The following LRFN2 variants were observed in gnomAD, a reference collection of about 807,000 sequenced individuals.
LRFN2 encodes the protein leucine-rich repeat and fibronectin type-III domain-containing protein 2.
Under a neutral mutation model 37.3 loss-of-function variants are expected in LRFN2, and 18 were observed. That is an observed-to-expected ratio of 0.48 (90% CI 0.33 to 0.72). LRFN2 has a LOEUF of 0.72. LRFN2 is among the 30% of genes least tolerant of loss of function. The pLI is 0.02. For synonymous variants in LRFN2, 556 were observed against 466.6 expected (o/e 1.19, Z -2.47); for missense variants, 1,006 against 1,060.7 (o/e 0.95, Z 0.72).
chr6:40,393,111 A>G (rs1762549064), intron 2 of LRFN2, among the ~76,000 whole-genome samples, 199 bp from the exon 3 acceptor site: 1 of 148,146 alleles, frequency 6.8e-6, no homozygotes, highest in Non-Finnish European at 1.5e-5. Context: ...GGAAGGAGAG[A>G]GAAGGAGAGA....
chr6:40,417,362 G>A (rs1237914212), intron 2 of LRFN2, among the ~76,000 whole-genome samples: 1 of 152,156 alleles, frequency 6.6e-6, no homozygotes, highest in African/African-American at 2.4e-5. Context: ...GGGAGTCAGA[G>A]CACAGGTCAC....
chr6:40,528,021 CAG>C (rs1766284645), intron 1 of LRFN2, among the ~76,000 whole-genome samples: 1 of 152,196 alleles, frequency 6.6e-6, no homozygotes, highest in Admixed American at 6.5e-5. Context: ...AATGGAGTCT[CAG>C]AGAGGTTAAG....
chr6:40,497,938 T>C (rs1031384640), intron 1 of LRFN2, among the ~76,000 whole-genome samples: 8 of 152,128 alleles, frequency 5.3e-5, no homozygotes, highest in African/African-American at 1.9e-4. Context: ...ATCTTTACTC[T>C]TGGGGAACAG....
intron 1 of LRFN2, among the ~76,000 whole-genome samples, chr6:40,438,403 C>T (rs1763743936): frequency 6.6e-6 from 1 of 152,172 alleles, no homozygotes; most frequent in African/African-American, 2.4e-5. Context: ...GTAGGGTTCC[C>T]TTATCTGAGC....
At chr6:40,567,464 G>A (rs892127242) in intron 1 of LRFN2, among the ~76,000 whole-genome samples, 6 of 152,044 alleles carry the variant, frequency 3.9e-5, no homozygotes, top group Non-Finnish European at 8.8e-5. Context: ...AGAGCATAAG[G>A]GAAGCAACCT....
At chr6:40,540,894 C>G (rs1048249952) in intron 1 of LRFN2, among the ~76,000 whole-genome samples, 2 of 152,172 alleles carry the variant, frequency 1.3e-5, no homozygotes, top group Non-Finnish European at 2.9e-5. Flanking sequence ...CCAGCTTGCT[C>G]TCAGGGCCAG....
chr6:40,488,267 G>T (rs1379584412), intron 1 of LRFN2, among the ~76,000 whole-genome samples: 1 of 152,032 alleles, frequency 6.6e-6, no homozygotes, highest in South Asian at 2.1e-4. Context: ...GCAAGGAAGG[G>T]GTTCCAAGGA....
At chr6:40,470,814 T>G (rs1764577737) in intron 1 of LRFN2, among the ~76,000 whole-genome samples, 1 of 152,180 alleles carries the variant, frequency 6.6e-6, no homozygotes, top group Non-Finnish European at 1.5e-5. Context: ...CTGCTGGGCC[T>G]GGACCCACCT....
intron 1 of LRFN2, among the ~76,000 whole-genome samples, chr6:40,471,256 AG>A (rs2113857110): frequency 6.6e-6 from 1 of 152,316 alleles, no homozygotes; most frequent in Non-Finnish European, 1.5e-5. Context: ...AGGCAACTTT[AG>A]GGCTCAACTT....
intron 1 of LRFN2, among the ~76,000 whole-genome samples, chr6:40,578,317 A>T (rs1445849871): frequency 6.6e-6 from 1 of 152,164 alleles, no homozygotes; most frequent in Non-Finnish European, 1.5e-5. Flanking sequence ...TGGGAAGGCC[A>T]GTCCTGAACT....
At chr6:40,441,234 T>A (rs1385000157) in intron 1 of LRFN2, among the ~76,000 whole-genome samples, 4 of 152,174 alleles carry the variant, frequency 2.6e-5, no homozygotes, top group East Asian at 1.9e-4. Context: ...TGAGCCAATG[T>A]GTGAATGAGT....
At chr6:40,567,051 T>A (rs535199982) in intron 1 of LRFN2, among the ~76,000 whole-genome samples, 1 of 137,230 alleles carries the variant, frequency 7.3e-6, no homozygotes, top group South Asian at 2.3e-4. Context: ...AGCCCCTACA[T>A]CCCCCAATTT....
At chr6:40,502,709 G>T (rs1765418343) in intron 1 of LRFN2, among the ~76,000 whole-genome samples, 1 of 152,238 alleles carries the variant, frequency 6.6e-6, no homozygotes, top group South Asian at 2.1e-4. Context: ...TAAGTCCTCA[G>T]AGAGTTTCTG....
intron 1 of LRFN2, among the ~76,000 whole-genome samples, chr6:40,576,645 A>G (rs1292916437): frequency 1.3e-5 from 2 of 152,054 alleles, no homozygotes; most frequent in Admixed American, 1.3e-4. Context: ...TATGCACCAA[A>G]TTTACATGGC....
At chr6:40,517,903 A>T (rs1397278050) in intron 1 of LRFN2, among the ~76,000 whole-genome samples, 2 of 152,094 alleles carry the variant, frequency 1.3e-5, no homozygotes, top group Non-Finnish European at 2.9e-5. Flanking sequence ...AGTTCACATG[A>T]GCTAAGAGGG....
intron 1 of LRFN2, among the ~76,000 whole-genome samples, chr6:40,504,173 C>T (rs1765464991): frequency 6.6e-6 from 1 of 152,124 alleles, no homozygotes; most frequent in Non-Finnish European, 1.5e-5. Flanking sequence ...TGCATCTTGC[C>T]CATAAGAGAC....
intron 1 of LRFN2, among the ~76,000 whole-genome samples, chr6:40,548,359 T>G (rs1297528631): frequency 6.6e-6 from 1 of 151,920 alleles, no homozygotes; most frequent in East Asian, 1.9e-4. Flanking sequence ...AAGAATCACT[T>G]GAACCTGGGA....
intron 1 of LRFN2, among the ~76,000 whole-genome samples, chr6:40,475,353 C>A (rs143386957): frequency 1.3e-5 from 2 of 152,166 alleles, no homozygotes; most frequent in Non-Finnish European, 2.9e-5. Context: ...TGGGGGATGG[C>A]TTGGGAGGGA....
chr6:40,552,312 T>C (rs1766792076), intron 1 of LRFN2, among the ~76,000 whole-genome samples: 1 of 152,234 alleles, frequency 6.6e-6, no homozygotes, highest in Non-Finnish European at 1.5e-5. Flanking sequence ...TCACCTGGGA[T>C]CTTGTTAAAA....
Sources: allele counts gnomAD v4.1 joint callset (sites outside exome capture counted in the v4.1 genomes callset), GRCh38; gene constraint gnomAD v4.1.1; transcripts MANE v1.5; gene names NCBI Gene and HGNC (gene_info 2026-07-23, HGNC 2026-07-21).